TOPORS: variants seen among roughly 807,000 people sequenced by gnomAD.
TOPORS encodes the protein E3 ubiquitin-protein ligase Topors.
TOPORS carries 25 observed loss-of-function variants against 81.4 expected under a neutral mutation model. The ratio of observed to expected loss-of-function variants is 0.31; its 90% CI spans 0.22 to 0.43. The LOEUF (loss-of-function observed/expected upper bound fraction) is 0.43, where lower values mean the gene tolerates loss of function less well. Ranked by LOEUF, TOPORS falls within the 20% of genes least tolerant of loss-of-function variation. TOPORS has a pLI of 1.00. For synonymous variants in TOPORS, 473 were observed against 456.6 expected, an observed-to-expected ratio of 1.04 and a Z score of -0.46; for missense variants, 1,101 against 1,267.0, an observed-to-expected ratio of 0.87 and a Z score of 1.99.
At chr9:32,545,927 A>AGTTTGTT (rs1428654356) in intron 2 of TOPORS, among the ~76,000 whole-genome samples, 1 of 152,172 alleles carries the variant, frequency 6.6e-6, no homozygotes, top group Non-Finnish European at 1.5e-5. Context: ...TGGCCTTAAC[A>AGTTTGTT]AACTATAAGA....
chr9:32,546,935 G>A (rs1490589614), intron 2 of TOPORS, among the ~76,000 whole-genome samples: 7 of 152,232 alleles, frequency 4.6e-5, no homozygotes, highest in Non-Finnish European at 1.0e-4. Flanking sequence ...CTACTCAGGA[G>A]GCTGAGGCAG....
chr9:32,552,224 T>A, intron 1 of TOPORS: 1 of 608,850 alleles, frequency 1.6e-6, no homozygotes, highest in Non-Finnish European at 2.9e-6. Context: ...TTTATTCCCC[T>A]CTCTAAAAGG....
rs762207250 is a variant in TOPORS, at chr9:32,550,797, T to C, written c.175A>G (p.Arg59Gly). ...CRELAASAPA[R>G]PAPASSEIMA... is the part of the protein sequence containing the mutation. ...ACCTCGGAGGATGCCGGCGCAGGCC[T>C]GGCTGGGGCGCTCGCCGCGAGCTCC... Residue 59 changes from arginine (R) to glycine (G), a missense_variant, in exon 2 of 3, where the codon AGG becomes GGG. Coordinates refer to ENST00000360538, the MANE Select transcript of TOPORS (RefSeq NM_005802.5). 1.2e-6 allele frequency: 2 copies of C among 1,612,656 alleles called. No homozygotes were observed. The highest frequency in any genetic ancestry group is 1.1e-5 in the South Asian group (1 of 91,054).
At chr9:32,544,557 C>T (rs1328528350) in intron 2 of TOPORS, among the ~76,000 whole-genome samples, 1 of 152,156 alleles carries the variant, frequency 6.6e-6, no homozygotes, top group Non-Finnish European at 1.5e-5. Flanking sequence ...ACACTACCAG[C>T]GTGACTATGT....
intron 2 of TOPORS, among the ~76,000 whole-genome samples, chr9:32,546,607 C>A (rs553778603): frequency 9.2e-5 from 14 of 152,220 alleles, no homozygotes; most frequent in Non-Finnish European, 1.5e-4. Context: ...CTGAACACTT[C>A]CAGTTCACAT....
rs567509057 is a variant in TOPORS at position 32,545,693 on chromosome 9, A to G, written c.199-1367T>C. Among the ~76,000 whole-genome samples, 746 of 152,222 alleles carry G rather than the reference A, an allele frequency of 4.9e-3. 4 individuals carry two copies. Among genetic ancestry groups the G allele is most frequent in the Non-Finnish European group, 8.7e-3 (593 of 67,982 alleles). ...GGAGAATCGCTTGAACCCAGGAGGC[A>G]GAGGTTGCAGTGAGCTGAGACTGCA... On this transcript the variant is annotated intron_variant, in intron 2 of 2. Transcript: ENST00000360538.
chr9:32,549,522 G>A (rs1346356509), intron 2 of TOPORS, among the ~76,000 whole-genome samples: 1 of 152,084 alleles, frequency 6.6e-6, no homozygotes, highest in Non-Finnish European at 1.5e-5. Flanking sequence ...AAAGGTGGTT[G>A]TGTGACGGGA....
Position 32,542,495 on chromosome 9 carries a change from T to C in TOPORS, c.2030A>G (p.His677Arg). 3.7e-6 allele frequency: 6 copies of C among 1,613,972 alleles called. No homozygotes were observed. Among genetic ancestry groups the C allele is most frequent in the Admixed American group, 1.7e-5 (1 of 60,014 alleles). ...TCTGCTCCGTGATCTTCTTTTACCA[T>C]GATCACTGCTACGAGACCTTGATCT... ...TSRSRSRSSDHGKRRSRSRNR... is the reference protein window; with the variant it reads ...TSRSRSRSSDRGKRRSRSRNR... Residue 677 changes from histidine to arginine, a missense_variant, in exon 3 of 3, where the codon CAT becomes CGT. Transcript: ENST00000360538.
intron 2 of TOPORS, among the ~76,000 whole-genome samples, chr9:32,545,890 G>GA (rs556199851): frequency 1.3e-5 from 2 of 152,092 alleles, no homozygotes; most frequent in Non-Finnish European, 2.9e-5. Flanking sequence ...TCAAATAACA[G>GA]AATTGTAATT....
At chr9:32,550,553 C>T (rs552537191) in intron 2 of TOPORS, among the ~76,000 whole-genome samples, 1 of 152,368 alleles carries the variant, frequency 6.6e-6, no homozygotes, top group African/African-American at 2.4e-5. Context: ...GGCTCGCGCC[C>T]CTCGGGAGCG....
rs1587619995 is a variant in TOPORS, at chr9:32,541,152, A to G, written c.*235T>C. 5 of 365,092 alleles carry G rather than the reference A, an allele frequency of 1.4e-5. No individual in the cohort carries two copies. The East Asian group carries it at 2.3e-4, about 17-fold the overall frequency. The allele number at this position is 365,092 out of a possible 1,614,324, so 22.6% of individuals were successfully genotyped here. A position where few individuals can be genotyped will look rare whatever the true frequency, so the allele number is the denominator to read the frequency against. The stretch of plus-strand genomic sequence containing the variant: ...TAAAAAGGACCCCAAGTTTTAAATA[A>G]GCTGCTAGCAGTATCATTTTCTTCA... On this transcript the variant is annotated 3_prime_UTR_variant, in exon 3 of 3. Coordinates refer to ENST00000360538, the MANE Select transcript of TOPORS (RefSeq NM_005802.5).
chr9:32,543,314 A>C lies in TOPORS; in HGVS notation c.1211T>G (p.Leu404Arg). 1.2e-6 allele frequency: 2 copies of C among 1,614,066 alleles called. No homozygotes were observed. Among genetic ancestry groups the C allele is most frequent in the Non-Finnish European group, 1.7e-6 (2 of 1,180,022 alleles). ...ACTAACAGTGGCTACATTAATATCC[A>C]GCTCTTGGGTCTCAGCCTCATCTGG... ...ISPDEAETQE[L>R]DINVATVSQA... Residue 404 changes from leucine to arginine, a missense_variant, in exon 3 of 3, where the codon CTG becomes CGG. Around this residue, in one of 9 missense-constraint regions of TOPORS, gnomAD observed 103 missense variants for 112.1 expected, o/e 0.92. Coordinates refer to ENST00000360538, the MANE Select transcript of TOPORS (RefSeq NM_005802.5). The surrounding 1 kb of genome is among the most constrained non-coding windows in gnomAD (Gnocchi z 5.6).
chr9:32,548,993 G>A (rs1821179618), intron 2 of TOPORS, among the ~76,000 whole-genome samples: 1 of 152,068 alleles, frequency 6.6e-6, no homozygotes, highest in Non-Finnish European at 1.5e-5. Flanking sequence ...CTGCTCTGTA[G>A]AATTAAAGTT....
chr9:32,543,806 G>T lies in TOPORS; in HGVS notation c.719C>A (p.Thr240Asn). 6.2e-7 allele frequency: 1 copy of T among 1,613,652 alleles called. No individual in the cohort carries two copies. Among genetic ancestry groups the T allele is most frequent in the Non-Finnish European group, 8.5e-7 (1 of 1,179,800 alleles). ...FMRQIAVRRP[T>N]TADERSLRKI... ...CCGCAAAGATCTTTCATCTGCCGTAGTTGGCCTCCTTACTGCAATCTGTCT... is the reference window on the plus strand; with the variant it reads ...CCGCAAAGATCTTTCATCTGCCGTATTTGGCCTCCTTACTGCAATCTGTCT... The change falls in exon 3 of 3, where the codon ACT (threonine) becomes AAT (asparagine). Residue 240 changes from threonine (T) to asparagine (N), a missense_variant. Around this residue, in one of 9 missense-constraint regions of TOPORS, gnomAD observed 120 missense variants for 115.4 expected, o/e 1.04. Transcript: ENST00000360538. The surrounding 1 kb of genome is among the most constrained non-coding windows in gnomAD (Gnocchi z 5.6).
rs1465948560 is a variant in TOPORS, at chr9:32,541,445, G to C, written c.3080C>G (p.Pro1027Arg). ...SLQTEPSRQL[P>R]SPRTSLMSVC... is the part of the protein sequence containing the mutation. Reference sequence around the variant, plus strand: ...TGACATTAATGATGTCCGTGGCGATGGCAATTGCCTTGATGGCTCAGTTTG... The same window carrying C: ...TGACATTAATGATGTCCGTGGCGATCGCAATTGCCTTGATGGCTCAGTTTG... The change falls in exon 3 of 3, where the codon CCA becomes CGA. Residue 1027 changes from proline to arginine, a missense_variant. By Grantham distance (103) the Pro-to-Arg change is moderately radical. Around this residue, in one of 9 missense-constraint regions of TOPORS, gnomAD observed 605 missense variants for 636.1 expected, o/e 0.95. Transcript: ENST00000360538. 1.2e-6 allele frequency: 2 copies of C among 1,614,198 alleles called. No individual in the cohort carries two copies. The highest frequency in any genetic ancestry group is 3.3e-5 in the Admixed American group (2 of 60,026).
At position 32,542,735 on chromosome 9, in the gene TOPORS, G is replaced by A; in HGVS notation, c.1790C>T (p.Ser597Leu). The A allele has an allele frequency of 6.2e-7, 1 of 1,613,940 alleles. No individual in the cohort carries two copies. Among genetic ancestry groups the A allele is most frequent in the Non-Finnish European group, 8.5e-7 (1 of 1,180,000 alleles). The change falls in exon 3 of 3, where the codon TCA becomes TTA. Residue 597 changes from serine to leucine, a missense_variant. By Grantham distance (145) the Ser-to-Leu change is moderately radical. Around this residue, in one of 9 missense-constraint regions of TOPORS, gnomAD observed 605 missense variants for 636.1 expected, o/e 0.95. Transcript: ENST00000360538. ...YNHRHRKRGRSRSSDSRSQSR... is the reference protein window; with the variant it reads ...YNHRHRKRGRLRSSDSRSQSR... ...CTGAGAACGTGAATCTGAACTTCTT[G>A]ATCTTCCCCTCTTTCTGTGTCTATG... is the stretch of plus-strand genomic sequence containing the variant.
chr9:32,543,177 C>T lies in TOPORS; in HGVS notation c.1348G>A (p.Val450Ile). ...NTSDSSDEEL[V>I]TGGATSQIQG... ...ATCTGAGACGTGGCTCCTCCTGTGA[C>T]AAGTTCTTCATCTGAACTGTCAGAA... is the stretch of plus-strand genomic sequence containing the variant. Residue 450 changes from valine (V) to isoleucine (I), a missense_variant, in exon 3 of 3, where the codon GTC becomes ATC. Around this residue, in one of 9 missense-constraint regions of TOPORS, gnomAD observed 103 missense variants for 112.1 expected, o/e 0.92. Coordinates refer to ENST00000360538, the MANE Select transcript of TOPORS (RefSeq NM_005802.5). The surrounding 1 kb of genome is among the most constrained non-coding windows in gnomAD (Gnocchi z 5.6). The T allele has an allele frequency of 1.2e-6, 2 of 1,613,948 alleles. No individual in the cohort carries two copies. Among genetic ancestry groups the T allele is most frequent in the Non-Finnish European group, 8.5e-7 (1 of 1,180,022 alleles).
intron 1 of TOPORS, chr9:32,551,290 A>C: frequency 2.0e-6 from 1 of 502,562 alleles, no homozygotes; most frequent in Non-Finnish European, 3.6e-6. Context: ...AACCTTACCA[A>C]ACTCTGCGGA....
chr9:32,542,006 C>T lies in TOPORS; in HGVS notation c.2519G>A (p.Ser840Asn). The change falls in exon 3 of 3, where the codon AGT (serine) becomes AAT (asparagine). Residue 840 changes from serine (S) to asparagine (N), a missense_variant. Around this residue, in one of 9 missense-constraint regions of TOPORS, gnomAD observed 605 missense variants for 636.1 expected, o/e 0.95. Transcript: ENST00000360538. ...SKLDGNYKNE[S>N]DTFSDSRSSD... ...TGATCGGCTGTCTGAAAAGGTATCA[C>T]TCTCATTTTTGTAGTTTCCATCCAA... 3 of 1,614,022 alleles carry T rather than the reference C, an allele frequency of 1.9e-6. No individual in the cohort carries two copies. The highest frequency in any genetic ancestry group is 2.5e-6 in the Non-Finnish European group (3 of 1,180,018).
Sources: gnomAD v4.1 joint callset for allele counts (sites outside exome capture counted in the v4.1 genomes callset) on GRCh38, gnomAD v4.1.1 for gene constraint, gnomAD v4.1.1 regional missense constraint, Gnocchi (gnomAD v3.1) non-coding constraint, MANE v1.5 for transcripts, NCBI Gene and HGNC (gene_info 2026-07-23, HGNC 2026-07-21) for gene names.